Variants in JAKMIP2 observed in about 807,000 individuals in gnomAD.
JAKMIP2 encodes janus kinase and microtubule interacting protein 2, also known as janus kinase and microtubule-interacting protein 2.
Under a neutral mutation model 115.0 loss-of-function variants are expected in JAKMIP2, and 25 were observed. The observed-to-expected ratio is 0.22, with a 90% confidence interval of 0.16 to 0.30. The LOEUF (loss-of-function observed/expected upper bound fraction) is 0.30. JAKMIP2 is among the 10% of genes least tolerant of loss of function. JAKMIP2 has a pLI of 1.00. For synonymous variants in JAKMIP2, 334 were observed against 343.6 expected (o/e 0.97, Z 0.31); for missense variants, 642 against 957.6 (o/e 0.67, Z 4.35).
intron 1 of JAKMIP2, among the ~76,000 whole-genome samples, chr5:147,692,214 G>A (rs143799203): frequency 1.3e-5 from 2 of 152,228 alleles, no homozygotes; most frequent in Non-Finnish European, 2.9e-5. Context: ...AAAAATGAAG[G>A]CAGAGATTGG....
chr5:147,627,678 TAAA>T (rs768481105), intron 16 of JAKMIP2, among the ~76,000 whole-genome samples: 112 of 70,322 alleles, frequency 1.6e-3, no homozygotes, highest in African/African-American at 5.1e-3. Context: ...AGCCTTTCTG[TAAA>T]AAAAAAAAAA....
At chr5:147,772,042 A>T (rs1401245219) in intron 1 of JAKMIP2, among the ~76,000 whole-genome samples, 1 of 152,136 alleles carries the variant, frequency 6.6e-6, no homozygotes, top group Non-Finnish European at 1.5e-5. Context: ...TGATGAGGAT[A>T]ATTAAATGAC....
At chr5:147,695,276 AAAAAG>A (rs1296039794) in intron 1 of JAKMIP2, among the ~76,000 whole-genome samples, 1 of 152,216 alleles carries the variant, frequency 6.6e-6, no homozygotes, top group East Asian at 1.9e-4. Flanking sequence ...TGAGAGGCTA[AAAAAG>A]AAAAGAAAAT....
chr5:147,780,428 C>G (rs1463571463), intron 1 of JAKMIP2, among the ~76,000 whole-genome samples: 3 of 152,100 alleles, frequency 2.0e-5, no homozygotes, highest in African/African-American at 7.2e-5. Flanking sequence ...GAAATGGGGT[C>G]AACTAGTACA....
chr5:147,619,250 A>G (rs1011703910), intron 18 of JAKMIP2, among the ~76,000 whole-genome samples: 3 of 152,100 alleles, frequency 2.0e-5, no homozygotes, highest in Non-Finnish European at 4.4e-5. Context: ...GGTTTTCTGA[A>G]TGAGTACTCA....
At chr5:147,658,488 G>A (rs147672376) in intron 3 of JAKMIP2, among the ~76,000 whole-genome samples, 1,632 of 152,310 alleles carry the variant, frequency 0.011, 12 homozygotes, top group Non-Finnish European at 0.019. Context: ...GAGGCACAGC[G>A]GTCAGGAACC....
chr5:147,776,611 T>C (rs1325247850), intron 1 of JAKMIP2, among the ~76,000 whole-genome samples: 1 of 152,174 alleles, frequency 6.6e-6, no homozygotes, highest in Non-Finnish European at 1.5e-5. Context: ...CATAATGGAT[T>C]TGAGTTGCTT....
intron 1 of JAKMIP2, among the ~76,000 whole-genome samples, 159 bp downstream of exon 1, chr5:147,782,297 G>A (rs1755789417): frequency 6.6e-6 from 1 of 151,570 alleles, no homozygotes; most frequent in Non-Finnish European, 1.5e-5. Context: ...CTCTCTTCCT[G>A]GCAAGCTTCC....
chr5:147,704,814 G>C (rs770606596), intron 1 of JAKMIP2, among the ~76,000 whole-genome samples: 2 of 152,134 alleles, frequency 1.3e-5, no homozygotes, highest in Non-Finnish European at 2.9e-5. Context: ...CTCTATGGTG[G>C]AGTTAGGAAG....
intron 1 of JAKMIP2, among the ~76,000 whole-genome samples, chr5:147,774,614 T>C (rs920989838): frequency 2.0e-5 from 3 of 152,148 alleles, no homozygotes; most frequent in Admixed American, 6.6e-5. Context: ...TTTTGGAAAA[T>C]AGGTTCAAAT....
chr5:147,621,916 G>T (rs1756868634), intron 17 of JAKMIP2, among the ~76,000 whole-genome samples: 1 of 152,134 alleles, frequency 6.6e-6, no homozygotes, highest in Non-Finnish European at 1.5e-5. Flanking sequence ...TGCCCAGGCT[G>T]GAGTGCAATG....
chr5:147,650,232 T>G (rs972228989), intron 4 of JAKMIP2, 106 bp downstream of exon 4: 10 of 731,402 alleles, frequency 1.4e-5, no homozygotes, highest in Non-Finnish European at 2.4e-5. Context: ...GAAGGTAGAT[T>G]GATTTCTTTG....
intron 21 of JAKMIP2, 25 bp downstream of exon 21, chr5:147,601,716 T>C (rs1324197369): frequency 2.0e-6 from 3 of 1,487,970 alleles, no homozygotes; most frequent in Non-Finnish European, 2.7e-6. Flanking sequence ...TAGAACCACA[T>C]TTTGAGAATT....
chr5:147,632,997 T>A (rs1757436432), intron 12 of JAKMIP2, among the ~76,000 whole-genome samples: 1 of 152,190 alleles, frequency 6.6e-6, no homozygotes, highest in East Asian at 1.9e-4. Context: ...CCAGAAGACA[T>A]CTCTGTTCCT....
At chr5:147,706,339 A>G (rs1403871282) in intron 1 of JAKMIP2, among the ~76,000 whole-genome samples, 1 of 152,088 alleles carries the variant, frequency 6.6e-6, no homozygotes, top group Non-Finnish European at 1.5e-5. Flanking sequence ...TTGACCAGCA[A>G]TGCTTTTCAG....
At chr5:147,686,716 T>C (rs1476319263) in intron 1 of JAKMIP2, among the ~76,000 whole-genome samples, 3 of 152,206 alleles carry the variant, frequency 2.0e-5, no homozygotes, top group African/African-American at 7.2e-5. Flanking sequence ...TCACTTACCA[T>C]TGAGTAAACC....
In JAKMIP2 at chr5:147,733,636, C is replaced by T. The variant is rs533453815; in HGVS notation, c.-149+48820G>A. Among the ~76,000 whole-genome samples, 15 of 152,130 alleles carry T rather than the reference C, an allele frequency of 9.9e-5. No homozygotes were observed. In the South Asian group the frequency reaches 3.1e-3, roughly 32 times the overall value. ...CCTACTCTCCCACCCGCTGACAGGC[C>T]CCGGTGCGTGATGTCCCCCTCCCTG... On this transcript the variant is annotated intron_variant, in intron 1 of 21. Coordinates refer to ENST00000616793, the MANE Select transcript of JAKMIP2 (RefSeq NM_001270941.2).
At chr5:147,659,520 T>C (rs930318543) in intron 3 of JAKMIP2, among the ~76,000 whole-genome samples, 6 of 152,166 alleles carry the variant, frequency 3.9e-5, no homozygotes, top group African/African-American at 1.4e-4. Flanking sequence ...TTAAAAGGGA[T>C]TTCATGCCTA....
chr5:147,770,114 CT>C (rs1445916124), intron 1 of JAKMIP2, among the ~76,000 whole-genome samples: 1 of 151,862 alleles, frequency 6.6e-6, no homozygotes, highest in African/African-American at 2.4e-5. Context: ...TAAATTCTAT[CT>C]TTTGATTTTT....
Sources: gnomAD v4.1 joint callset for allele counts (sites outside exome capture counted in the v4.1 genomes callset) on GRCh38, gnomAD v4.1.1 for gene constraint, MANE v1.5 for transcripts, NCBI Gene and HGNC (gene_info 2026-07-23, HGNC 2026-07-21) for gene names.